MYO18B: variants seen among roughly 807,000 people sequenced by gnomAD.
MYO18B encodes the protein unconventional myosin-XVIIIb.
A neutral mutation model predicts 273.0 loss-of-function variants in MYO18B; 204 were observed. That is an observed-to-expected ratio of 0.75 (90% confidence interval 0.67 to 0.84). MYO18B has a LOEUF of 0.84. MYO18B is among the 40% of genes least tolerant of loss of function. The pLI, the probability that MYO18B is intolerant of heterozygous loss-of-function variation, is 0.00. For missense variants in MYO18B, 3,212 were observed against 3,287.6 expected (o/e 0.98, Z 0.56); for synonymous variants, 1,330 against 1,305.7 (o/e 1.02, Z -0.40).
At chr22:25,962,977 T>C (rs935963005) in intron 39 of MYO18B, among the ~76,000 whole-genome samples, 4 of 152,140 alleles carry the variant, frequency 2.6e-5, no homozygotes, top group Non-Finnish European at 5.9e-5. Context: ...TCCTTCTTTC[T>C]CATTGCAGCT....
chr22:25,788,743 C>A lies in MYO18B; in HGVS notation c.2376+3252C>A, dbSNP rs1448519877. 2.0e-5 allele frequency among the ~76,000 whole-genome samples: 3 copies of A among 152,268 alleles called. No individual in the cohort carries two copies. In the East Asian group the frequency reaches 5.8e-4, roughly 29 times the overall value. The stretch of plus-strand genomic sequence containing the variant: ...TCCTTCCTTCTCCTCCTAGCCAGCC[C>A]CCGTACTATGATTAATTCTGCTTCT... On this transcript the variant is annotated intron_variant, in intron 11 of 43. Coordinates refer to ENST00000335473, the MANE Select transcript of MYO18B (RefSeq NM_032608.7).
chr22:25,775,884 T>TA (rs35877157), intron 7 of MYO18B, among the ~76,000 whole-genome samples: 48,632 of 147,436 alleles, frequency 0.33, 7,998 homozygotes, highest in Non-Finnish European at 0.36. Context: ...AGCAGGGACT[T>TA]AAAAAAAAAA....
chr22:26,027,785 A>G lies in MYO18B; in HGVS notation c.*12+95A>G. On this transcript the variant is annotated intron_variant, in intron 43 of 43. Coordinates refer to ENST00000335473, the MANE Select transcript of MYO18B (RefSeq NM_032608.7). The surrounding 1 kb of genome is among the most constrained non-coding windows in gnomAD (Gnocchi z 4.1). ...TGCCACTACTGTCCTTAATGCCACA[A>G]CCGATTTCTCTAGAGACCAAGATTT... 2.3e-6 allele frequency: 3 copies of G among 1,326,940 alleles called. No homozygotes were observed. The highest frequency in any genetic ancestry group is 3.0e-6 in the Non-Finnish European group (3 of 992,264). 82.2% of individuals were successfully genotyped at this position (1,326,940 alleles called of 1,614,324 possible).
Position 25,858,363 on chromosome 22 carries a change from G to A in MYO18B, c.3885+6784G>A, listed in dbSNP as rs889096521. Among the ~76,000 whole-genome samples the A allele has an allele frequency of 2.6e-5, 4 of 152,334 alleles. No individual in the cohort carries two copies. In the East Asian group the frequency reaches 7.7e-4, roughly 29 times the overall value. ...TTGGACCATGGTGTGGGCTTCATGGGGGCAGGTGCTATATGGACGGCAGCC... is the reference window on the plus strand; with the variant it reads ...TTGGACCATGGTGTGGGCTTCATGGAGGCAGGTGCTATATGGACGGCAGCC... On this transcript the variant is annotated intron_variant, in intron 21 of 43. Transcript: ENST00000335473.
Position 25,946,244 on chromosome 22 carries a change from G to C in MYO18B, c.5625G>C (p.Lys1875Asn), listed in dbSNP as rs370465549. 5 of 1,570,956 alleles carry C rather than the reference G, an allele frequency of 3.2e-6. No individual in the cohort carries two copies. Among genetic ancestry groups the C allele is most frequent in the Non-Finnish European group, 4.3e-6 (5 of 1,159,620 alleles). ...AGCTGGAGAACATGACGCGGAACAA[G>C]AGCCTGGTACCTGTCCCTTCCTGCA... ...HSELENMTRN[K>N]SLVDEQLYRL... The change falls in exon 35 of 44, where the codon AAG becomes AAC. Residue 1875 changes from lysine to asparagine, a missense_variant. By Grantham distance (94) the Lys-to-Asn change is moderately conservative. Transcript: ENST00000335473.
At chr22:25,875,380 G>A (rs1025547219) in intron 23 of MYO18B, among the ~76,000 whole-genome samples, 4 of 152,250 alleles carry the variant, frequency 2.6e-5, no homozygotes, top group African/African-American at 9.6e-5. Flanking sequence ...GTTGAGGTGT[G>A]TGAGATGCTC....
rs566380437 is a variant in MYO18B at position 25,943,170 on chromosome 22, G to A, written c.5518-2967G>A. On this transcript the variant is annotated intron_variant, in intron 34 of 43. Coordinates refer to ENST00000335473, the MANE Select transcript of MYO18B (RefSeq NM_032608.7). Reference sequence around the variant, plus strand: ...CCTTGGCCTGGCAGAGGGGCCCTGCGTGAGGCCTCCTCTTCCACCATTAGT... The same window carrying A: ...CCTTGGCCTGGCAGAGGGGCCCTGCATGAGGCCTCCTCTTCCACCATTAGT... Among the ~76,000 whole-genome samples, 12 of 152,222 alleles carry A rather than the reference G, an allele frequency of 7.9e-5. No individual in the cohort carries two copies. In the South Asian group the frequency reaches 1.0e-3, roughly 13 times the overall value.
intron 42 of MYO18B, among the ~76,000 whole-genome samples, chr22:26,021,400 T>C (rs767674469): frequency 1.3e-5 from 2 of 152,248 alleles, no homozygotes; most frequent in Non-Finnish European, 2.9e-5. Flanking sequence ...ATACATTTTA[T>C]TGAGCACCTA....
the MYO18B span, among the ~76,000 whole-genome samples, chr22:26,044,705 A>G: frequency 1.3e-5 from 2 of 152,214 alleles, no homozygotes; most frequent in African/African-American, 2.4e-5. Flanking sequence ...CTGCATCTGA[A>G]TTTGCATTTG....
At chr22:25,982,885 C>A (rs2093163844) in intron 39 of MYO18B, among the ~76,000 whole-genome samples, 1 of 152,126 alleles carries the variant, frequency 6.6e-6, no homozygotes, top group Non-Finnish European at 1.5e-5. Context: ...ATACACGCTG[C>A]CAAATACCTT....
intron 39 of MYO18B, among the ~76,000 whole-genome samples, chr22:25,981,040 C>T (rs1164883040): frequency 1.3e-5 from 2 of 152,152 alleles, no homozygotes; most frequent in East Asian, 1.9e-4. Context: ...TCCCTGTGTC[C>T]TCACATTCTC....
chr22:26,004,852 C>G lies in MYO18B; in HGVS notation c.6467C>G (p.Pro2156Arg). Residue 2156 changes from proline to arginine, a missense_variant, in exon 42 of 44, where the codon CCC becomes CGC. Transcript: ENST00000335473. ...QSATSSRILS[P>R]RINEEAGDTE... ...GCCACCAGCAGCCGCATCCTCAGCC[C>G]CAGGTAAGAGTATCTCCTTGCTGCC... 6.2e-7 allele frequency: 1 copy of G among 1,613,514 alleles called. No individual in the cohort carries two copies. Among genetic ancestry groups the G allele is most frequent in the Non-Finnish European group, 8.5e-7 (1 of 1,179,612 alleles).
At chr22:25,816,226 T>C (rs769029426) in intron 12 of MYO18B, among the ~76,000 whole-genome samples, 1 of 152,238 alleles carries the variant, frequency 6.6e-6, no homozygotes, top group Non-Finnish European at 1.5e-5. Flanking sequence ...CCGGGGTTTC[T>C]CTTTCTGACC....
rs568907950 is a variant in MYO18B, at chr22:25,829,465, C to G, written c.2979+497C>G. ...TTCTAGGAGGCACCTGAGAGAAACT[C>G]TGTGTGTGAACCAGGAAGCATGTAC... On this transcript the variant is annotated intron_variant, in intron 15 of 43. Coordinates refer to ENST00000335473, the MANE Select transcript of MYO18B (RefSeq NM_032608.7). 4.0e-5 allele frequency among the ~76,000 whole-genome samples: 6 copies of G among 150,746 alleles called. No homozygotes were observed. The East Asian group carries it at 7.8e-4, about 19-fold the overall frequency.
chr22:25,787,270 G>GCACACACACA (rs965998326), intron 11 of MYO18B, among the ~76,000 whole-genome samples: 7 of 42,698 alleles, frequency 1.6e-4, no homozygotes, highest in African/African-American at 6.5e-4. Context: ...GTGCAGGCGC[G>GCACACACACA]CGCACACACA....
intron 25 of MYO18B, among the ~76,000 whole-genome samples, chr22:25,885,768 G>A (rs1286212817): frequency 6.6e-6 from 1 of 152,094 alleles, no homozygotes; most frequent in Non-Finnish European, 1.5e-5. Flanking sequence ...ACACTTGGGG[G>A]GCCCTAATGG....
intron 35 of MYO18B, among the ~76,000 whole-genome samples, chr22:25,947,113 A>C (rs1414063023): frequency 6.6e-6 from 1 of 152,166 alleles, no homozygotes; most frequent in Non-Finnish European, 1.5e-5. Context: ...GCCTACAAGC[A>C]TTCACACACA....
At chr22:25,991,083 A>G (rs1342146385) in intron 39 of MYO18B, among the ~76,000 whole-genome samples, 2 of 151,904 alleles carry the variant, frequency 1.3e-5, no homozygotes, top group African/African-American at 4.9e-5. Context: ...CACAATTCTT[A>G]TTTCTAATGT....
At chr22:25,777,197 C>A (rs541415399) in intron 7 of MYO18B, among the ~76,000 whole-genome samples, 3 of 152,322 alleles carry the variant, frequency 2.0e-5, no homozygotes, top group African/African-American at 7.2e-5. Context: ...TTCCCTGTGT[C>A]CATAGCAGAC....
Sources: gnomAD v4.1 joint callset for allele counts (sites outside exome capture counted in the v4.1 genomes callset) on GRCh38, gnomAD v4.1.1 for gene constraint, Gnocchi (gnomAD v3.1) non-coding constraint, MANE v1.5 for transcripts, NCBI Gene and HGNC (gene_info 2026-07-23, HGNC 2026-07-21) for gene names.